NOVA2: variants seen among roughly 807,000 people sequenced by gnomAD.
NOVA2 encodes NOVA alternative splicing regulator 2, also known as RNA-binding protein Nova-2.
In NOVA2, 9 loss-of-function variants were observed where a neutral mutation model predicts 22.5. That is an observed-to-expected ratio of 0.40 (90% CI 0.24 to 0.70). The LOEUF (loss-of-function observed/expected upper bound fraction) is 0.70, where lower values mean the gene tolerates loss of function less well. Among genes scored for constraint, NOVA2 ranks in the 30% least tolerant of loss-of-function variants. The probability of loss-of-function intolerance (pLI) is 0.38; values close to 1 mark genes in which losing one functional copy is unlikely to be tolerated. For missense variants in NOVA2, 383 were observed against 682.8 expected (o/e 0.56, Z 4.89); for synonymous variants, 318 against 335.2 (o/e 0.95, Z 0.56).
chr19:45,973,444 G>A lies in NOVA2; in HGVS notation c.-93C>T. On this transcript the variant is annotated 5_prime_UTR_variant, in exon 1 of 4. Transcript: ENST00000263257. ...GGCGGCGGCGACGGCTGCTGGGGAG[G>A]CTGGGGTTGCGGCGGCGGCGGCGGC... The A allele has an allele frequency of 5.9e-6, 1 of 168,796 alleles. No homozygotes were observed. Among genetic ancestry groups the A allele is most frequent in the Non-Finnish European group, 1.1e-5 (1 of 89,114 alleles). The allele number at this position is 168,796 out of a possible 1,614,324, so 10.5% of individuals were successfully genotyped here.
rs1183842145 is a variant in NOVA2 at position 45,934,910 on chromosome 19, G to A, written c.*4953C>T. ...GAGGCATGGGTGGTGGGAGGAGATG[G>A]AGGAAAGGTAGCAACTGCCCCTAGC... On this transcript the variant is annotated 3_prime_UTR_variant, in exon 4 of 4. Transcript: ENST00000263257. The A allele has an allele frequency of 6.6e-6, 1 of 152,000 alleles. No individual in the cohort carries two copies. The highest frequency in any genetic ancestry group is 1.9e-4 in the East Asian group (1 of 5,152). 9.4% of individuals were successfully genotyped at this position (152,000 alleles called of 1,614,324 possible).
intron 3 of NOVA2, among the ~76,000 whole-genome samples, chr19:45,943,692 T>C (rs374074627): frequency 2.0e-5 from 3 of 150,140 alleles, no homozygotes; most frequent in African/African-American, 7.4e-5. Context: ...CACTTCAACC[T>C]GGGCAACACA....
chr19:45,950,065 T>C (rs1361742474), intron 3 of NOVA2, among the ~76,000 whole-genome samples: 1 of 151,894 alleles, frequency 6.6e-6, no homozygotes, highest in Non-Finnish European at 1.5e-5. Context: ...TTAGTAACTG[T>C]GTGACCTTAG....
In NOVA2 at chr19:45,940,472, G is replaced by T; in HGVS notation, c.870C>A (p.Gly290=). Reference sequence around the variant, plus strand: ...CCAGGCCCAGGGAGTTGGTGTTGTAGCCGTAACTTGCCAGCGTGTTAAGCG... The same window carrying T: ...CCAGGCCCAGGGAGTTGGTGTTGTATCCGTAACTTGCCAGCGTGTTAAGCG... ...STALNTLASY[G]YNTNSLGLGL... Residue 290 remains glycine (G), a synonymous_variant, in exon 4 of 4, where the codon GGC becomes GGA. Transcript: ENST00000263257. 6.5e-7 allele frequency: 1 copy of T among 1,537,706 alleles called. No homozygotes were observed.
chr19:45,952,673 A>G (rs1007303790), intron 3 of NOVA2, among the ~76,000 whole-genome samples: 1 of 152,188 alleles, frequency 6.6e-6, no homozygotes, highest in Non-Finnish European at 1.5e-5. Context: ...AACTGTGAAT[A>G]ACTTGTGCGC....
rs1229469394 is a variant in NOVA2 at position 45,959,794 on chromosome 19, G to A, written c.229+1216C>T. 2.7e-5 allele frequency among the ~76,000 whole-genome samples: 4 copies of A among 149,136 alleles called. No individual in the cohort carries two copies. The Admixed American group carries it at 2.7e-4, about 10-fold the overall frequency. On this transcript the variant is annotated intron_variant, in intron 2 of 3. Transcript: ENST00000263257. ...GAAAGATAGGAGAGAGGAGAGACGG[G>A]GTGGGGAGAGAGAGAGAGACAGAGA...
In NOVA2 at chr19:45,940,914, C is replaced by A. The variant is rs767140246; in HGVS notation, c.428G>T (p.Gly143Val). 1 of 1,604,406 alleles carries A rather than the reference C, an allele frequency of 6.2e-7. No individual in the cohort carries two copies. Among genetic ancestry groups the A allele is most frequent in the African/African-American group, 1.3e-5 (1 of 74,960 alleles). Residue 143 changes from glycine to valine, a missense_variant, in exon 4 of 4, where the codon GGC becomes GTC. Physicochemically the swap from Gly to Val is moderately radical, Grantham distance 109. Around this residue, in one of 2 missense-constraint regions of NOVA2, gnomAD observed 349 missense variants for 578.1 expected, o/e 0.60. Transcript: ENST00000263257. ...GGCGCCTCCCTTGCCGATGATCAGG[C>A]CCGCCGTGCTGTTGGGGACGATCAG... ...AKLIVPNSTA[G>V]LIIGKGGATV...
At chr19:45,966,171 A>G (rs1222524098) in intron 1 of NOVA2, among the ~76,000 whole-genome samples, 3 of 152,150 alleles carry the variant, frequency 2.0e-5, no homozygotes, top group Non-Finnish European at 4.4e-5. Flanking sequence ...CCTTGTCTCC[A>G]TTCTCTGCAC....
At chr19:45,955,147 CAATG>C (rs1193153265) in intron 2 of NOVA2, among the ~76,000 whole-genome samples, 1 of 152,060 alleles carries the variant, frequency 6.6e-6, no homozygotes, top group Non-Finnish European at 1.5e-5. Flanking sequence ...AGAGGCTACA[CAATG>C]AATATATACC....
At chr19:45,963,554 C>CA (rs755080731) in intron 1 of NOVA2, among the ~76,000 whole-genome samples, 8 of 149,970 alleles carry the variant, frequency 5.3e-5, no homozygotes, top group Non-Finnish European at 1.0e-4. Context: ...TCTTTTGAGA[C>CA]AGAGTCTCGC....
intron 3 of NOVA2, among the ~76,000 whole-genome samples, chr19:45,950,518 G>A (rs947736672): frequency 3.3e-5 from 5 of 152,194 alleles, no homozygotes; most frequent in East Asian, 1.9e-4. Context: ...CATGGGAAGC[G>A]CTAAGCCAAT....
intron 1 of NOVA2, among the ~76,000 whole-genome samples, chr19:45,961,801 A>G (rs1968099842): frequency 6.6e-6 from 1 of 152,222 alleles, no homozygotes; most frequent in South Asian, 2.1e-4. Context: ...CATGCTCTGA[A>G]CTATTATGAT....
At position 45,940,952 on chromosome 19, in the gene NOVA2, G is replaced by A. The variant is rs1248451805; in HGVS notation, c.397-7C>T. 5.6e-6 allele frequency: 9 copies of A among 1,597,540 alleles called. No individual in the cohort carries two copies. The East Asian group carries it at 2.0e-4, about 36-fold the overall frequency. Reference sequence around the variant, plus strand: ...TGGGGACGATCAGCTTGGCCTGCGTGGGGAGCAAAAGGGAGGGTCTTTAAT... The same window carrying A: ...TGGGGACGATCAGCTTGGCCTGCGTAGGGAGCAAAAGGGAGGGTCTTTAAT... On this transcript the variant is annotated splice_polypyrimidine_tract_variant and splice_region_variant and intron_variant, in intron 3 of 3. Coordinates refer to ENST00000263257, the MANE Select transcript of NOVA2 (RefSeq NM_002516.4).
Position 45,939,803 on chromosome 19 carries a change from A to G in NOVA2, c.*60T>C. On this transcript the variant is annotated 3_prime_UTR_variant, in exon 4 of 4. Coordinates refer to ENST00000263257, the MANE Select transcript of NOVA2 (RefSeq NM_002516.4). ...CTGAGGTCAGGAGTTGGGGGGGAGG[A>G]GGAGAGGGAAGAGGAGGAGATGGGA... The G allele has an allele frequency of 6.3e-7, 1 of 1,592,562 alleles. No individual in the cohort carries two copies. Among genetic ancestry groups the G allele is most frequent in the Non-Finnish European group, 8.6e-7 (1 of 1,166,886 alleles).
In NOVA2 at chr19:45,935,973, G is replaced by C. The variant is rs1967646834; in HGVS notation, c.*3890C>G. 6.6e-6 allele frequency: 1 copy of C among 152,212 alleles called. No homozygotes were observed. The highest frequency in any genetic ancestry group is 2.4e-5 in the African/African-American group (1 of 41,430). 9.4% of individuals were successfully genotyped at this position (152,212 alleles called of 1,614,324 possible). ...ATTCCCAACTACAAGTCCAGGGTAG[G>C]CGTTAGGGCAGATAGAAACGGCAAA... is the stretch of plus-strand genomic sequence containing the variant. On this transcript the variant is annotated 3_prime_UTR_variant, in exon 4 of 4. Transcript: ENST00000263257.
Position 45,961,206 on chromosome 19 carries a change from T to C in NOVA2, c.86-53A>G, listed in dbSNP as rs528386208. 3 of 1,387,792 alleles carry C rather than the reference T, an allele frequency of 2.2e-6. No individual in the cohort carries two copies. The African/African-American group carries it at 4.2e-5, about 20-fold the overall frequency. The allele number at this position is 1,387,792 out of a possible 1,614,324, so 86.0% of individuals were successfully genotyped here. A position where few individuals can be genotyped will look rare whatever the true frequency, so the allele number is the denominator to read the frequency against. On this transcript the variant is annotated intron_variant, in intron 1 of 3. Transcript: ENST00000263257. ...GTCAGCGGGGGAGGGGTCTTCACCT[T>C]TGGAGGGGGTGAGCAGAGGAAACCC... is the stretch of plus-strand genomic sequence containing the variant.
intron 3 of NOVA2, among the ~76,000 whole-genome samples, chr19:45,948,900 G>A (rs1967881847): frequency 6.6e-6 from 1 of 152,126 alleles, no homozygotes. Flanking sequence ...ATCAACTGAT[G>A]AACAGACAAG....
chr19:45,963,272 G>A (rs1018210971), intron 1 of NOVA2, among the ~76,000 whole-genome samples: 1 of 151,214 alleles, frequency 6.6e-6, no homozygotes, highest in African/African-American at 2.4e-5. Context: ...CCAGCTACTC[G>A]GGAGGCTGAG....
intron 1 of NOVA2, 64 bp downstream of exon 1, chr19:45,973,203 A>G: frequency 4.8e-6 from 4 of 827,564 alleles, no homozygotes; most frequent in Non-Finnish European, 5.2e-6. Context: ...GGAGGGGGGG[A>G]AAGGATGGAG....
Sources: gnomAD v4.1 joint callset for allele counts (sites outside exome capture counted in the v4.1 genomes callset) on GRCh38, gnomAD v4.1.1 for gene constraint, gnomAD v4.1.1 regional missense constraint, MANE v1.5 for transcripts, NCBI Gene and HGNC (gene_info 2026-07-23, HGNC 2026-07-21) for gene names.